GAB2: variants seen among roughly 807,000 people sequenced by gnomAD.
GAB2 encodes the protein GRB2 associated binding protein 2.
Under a neutral mutation model 65.5 loss-of-function variants are expected in GAB2, and 26 were observed. The observed-to-expected ratio is 0.40, with a 90% CI of 0.29 to 0.55. GAB2 has a LOEUF of 0.55. GAB2 is among the 20% of genes least tolerant of loss of function. GAB2 has a pLI of 0.53. For missense variants in GAB2, 884 were observed against 875.8 expected (o/e 1.01, Z -0.12); for synonymous variants, 321 against 329.6 (o/e 0.97, Z 0.28).
intron 1 of GAB2, among the ~76,000 whole-genome samples, chr11:78,395,953 T>C (rs1856890239): frequency 6.6e-6 from 1 of 152,220 alleles, no homozygotes; most frequent in African/African-American, 2.4e-5. Context: ...ACACATTTCT[T>C]TTTTCAATCT....
At chr11:78,267,223 G>A (rs2134557298) in intron 2 of GAB2, among the ~76,000 whole-genome samples, 1 of 152,362 alleles carries the variant, frequency 6.6e-6, no homozygotes, top group Non-Finnish European at 1.5e-5. Context: ...TAGCACACAA[G>A]AGCAGGGCTA....
In GAB2 at chr11:78,218,873, G is replaced by A; in HGVS notation, c.*399C>T. 6.0e-6 allele frequency: 1 copy of A among 167,510 alleles called. No individual in the cohort carries two copies. The highest frequency in any genetic ancestry group is 6.3e-5 in the Admixed American group (1 of 15,932). 10.4% of individuals were successfully genotyped at this position (167,510 alleles called of 1,614,324 possible). A position where few individuals can be genotyped will look rare whatever the true frequency, so the allele number is the denominator to read the frequency against. ...CTGAAGGAGAGGTAGCCCAGTGGCC[G>A]GAGGGAAGATAGCTGAGGGCTGTGA... On this transcript the variant is annotated 3_prime_UTR_variant, in exon 10 of 10. Transcript: ENST00000361507.
chr11:78,384,027 G>C (rs1856733442), intron 1 of GAB2, among the ~76,000 whole-genome samples: 2 of 152,182 alleles, frequency 1.3e-5, no homozygotes, highest in African/African-American at 4.8e-5. Flanking sequence ...AAAGAAAGAG[G>C]AAAGGGGCCT....
chr11:78,319,713 A>G (rs147423841), intron 1 of GAB2, among the ~76,000 whole-genome samples: 1 of 152,354 alleles, frequency 6.6e-6, no homozygotes, highest in East Asian at 1.9e-4. Context: ...GAGATATAAA[A>G]TTATTAAAGT....
chr11:78,309,926 ATGTGTGTGTGTGTGTGTGTGTG>A (rs60718900), intron 1 of GAB2, among the ~76,000 whole-genome samples: 4,161 of 135,692 alleles, frequency 0.031, 179 homozygotes, highest in African/African-American at 0.11. Flanking sequence ...AGGGTTAGAA[ATGTGTGTGTGTGTGTGTGTGTG>A]TGTGTGTGTG....
intron 1 of GAB2, among the ~76,000 whole-genome samples, chr11:78,334,563 C>A (rs1316763888): frequency 6.6e-6 from 1 of 152,206 alleles, no homozygotes; most frequent in Non-Finnish European, 1.5e-5. Flanking sequence ...CTAGTTCCAT[C>A]CATGTTGTTG....
rs1308784351 is a variant in GAB2 at position 78,226,683 on chromosome 11, A to C, written c.989T>G (p.Phe330Cys). The change falls in exon 4 of 10, where the codon TTC becomes TGC. Residue 330 changes from phenylalanine to cysteine, a missense_variant. Coordinates refer to ENST00000361507, the MANE Select transcript of GAB2 (RefSeq NM_080491.3). ...GGCATTGTGGTTTTTGTCCAGAGTG[A>C]ATGTCCTAGGGATCTGGTAGGCTGA... ...PLSAYQIPRT[F>C]TLDKNHNAMT... is the part of the protein sequence containing the mutation. The C allele has an allele frequency of 6.2e-7, 1 of 1,613,740 alleles. No homozygotes were observed. The highest frequency in any genetic ancestry group is 8.5e-7 in the Non-Finnish European group (1 of 1,179,914).
intron 1 of GAB2, among the ~76,000 whole-genome samples, chr11:78,366,993 A>G (rs986027643): frequency 4.6e-5 from 7 of 152,128 alleles, no homozygotes; most frequent in Non-Finnish European, 8.8e-5. Context: ...AAAAAATACA[A>G]GACAGGTCCC....
chr11:78,291,676 A>C (rs1866686569), intron 1 of GAB2, among the ~76,000 whole-genome samples: 1 of 140,616 alleles, frequency 7.1e-6, no homozygotes, highest in African/African-American at 2.7e-5. Flanking sequence ...GGCTCAAGCG[A>C]TCCTCCTACC....
intron 1 of GAB2, among the ~76,000 whole-genome samples, chr11:78,283,608 C>A (rs1866390142): frequency 6.6e-6 from 1 of 152,142 alleles, no homozygotes; most frequent in African/African-American, 2.4e-5. Flanking sequence ...ACCACCCCAA[C>A]TGCACCACTG....
intron 1 of GAB2, among the ~76,000 whole-genome samples, chr11:78,360,611 AC>A (rs1856421744): frequency 2.0e-5 from 3 of 152,060 alleles, no homozygotes; most frequent in Non-Finnish European, 2.9e-5. Context: ...TAATCACAGC[AC>A]TTTGGGAGGC....
intron 6 of GAB2, 57 bp from the exon 7 acceptor site, chr11:78,222,252 A>C (rs1864464650): frequency 1.1e-5 from 12 of 1,069,790 alleles, no homozygotes; most frequent in Non-Finnish European, 1.6e-5. Flanking sequence ...CTACACATAC[A>C]CACCTTATAT....
At chr11:78,362,458 G>C (rs1407134828) in intron 1 of GAB2, among the ~76,000 whole-genome samples, 1 of 151,472 alleles carries the variant, frequency 6.6e-6, no homozygotes, top group Non-Finnish European at 1.5e-5. Flanking sequence ...ATTAGAAAAA[G>C]GAAACAAAAT....
chr11:78,389,902 G>A (rs1381651713), intron 1 of GAB2, among the ~76,000 whole-genome samples: 1 of 152,110 alleles, frequency 6.6e-6, no homozygotes, highest in Non-Finnish European at 1.5e-5. Context: ...CTTGCACACA[G>A]CAGGAATTTT....
chr11:78,377,490 C>A (rs1480886910), intron 1 of GAB2, among the ~76,000 whole-genome samples: 5 of 152,338 alleles, frequency 3.3e-5, no homozygotes, highest in Middle Eastern at 3.4e-3. Context: ...AATTTCAATA[C>A]ATGGTTTTGG....
In GAB2 at chr11:78,226,492, C is replaced by T; in HGVS notation, c.1180G>A (p.Ala394Thr). The change falls in exon 4 of 10, where the codon GCA becomes ACA. Residue 394 changes from alanine to threonine, a missense_variant. Transcript: ENST00000361507. Reference protein sequence around the residue: ...ATIPRRNTLPAMDNSRLHRAS... With the variant: ...ATIPRRNTLPTMDNSRLHRAS... ...CGGTGAAGTCGGCTGTTGTCCATTG[C>T]AGGGAGGGTGTTGCGTCTGGGGATG... is the stretch of plus-strand genomic sequence containing the variant. 2 of 1,613,380 alleles carry T rather than the reference C, an allele frequency of 1.2e-6. No individual in the cohort carries two copies. The highest frequency in any genetic ancestry group is 1.7e-6 in the Non-Finnish European group (2 of 1,179,774).
chr11:78,357,472 C>A (rs565481980), intron 1 of GAB2, among the ~76,000 whole-genome samples: 1 of 152,264 alleles, frequency 6.6e-6, no homozygotes, highest in African/African-American at 2.4e-5. Flanking sequence ...TCAGAATGAA[C>A]AGGCAACCTA....
At position 78,219,150 on chromosome 11, in the gene GAB2, A is replaced by G; in HGVS notation, c.*122T>C. ...AGGGTCCCTGATGTCAAGTGCTTTG[A>G]AGGCTGAGACTGGCAGAGTAGAGAG... On this transcript the variant is annotated 3_prime_UTR_variant, in exon 10 of 10. Coordinates refer to ENST00000361507, the MANE Select transcript of GAB2 (RefSeq NM_080491.3). The G allele has an allele frequency of 1.1e-6, 1 of 950,346 alleles. No individual in the cohort carries two copies. The allele number at this position is 950,346 out of a possible 1,614,324, so 58.9% of individuals were successfully genotyped here. A position where few individuals can be genotyped will look rare whatever the true frequency, so the allele number is the denominator to read the frequency against.
At chr11:78,322,327 A>G (rs1210349580) in intron 1 of GAB2, among the ~76,000 whole-genome samples, 1 of 147,328 alleles carries the variant, frequency 6.8e-6, no homozygotes, top group African/African-American at 2.5e-5. Flanking sequence ...AAAAAAAAAA[A>G]AGTAAGATCT....
Sources: gnomAD v4.1 joint callset for allele counts (sites outside exome capture counted in the v4.1 genomes callset) on GRCh38, gnomAD v4.1.1 for gene constraint, MANE v1.5 for transcripts, NCBI Gene and HGNC (gene_info 2026-07-23, HGNC 2026-07-21) for gene names.